The following TMEM232 variants were observed in gnomAD, a reference collection of about 807,000 sequenced individuals.
TMEM232 encodes the protein transmembrane protein 232.
In TMEM232, 80 loss-of-function variants were observed where a neutral mutation model predicts 78.8. The ratio of observed to expected loss-of-function variants is 1.01; its 90% confidence interval spans 0.85 to 1.22. The LOEUF is 1.22. Ranked by LOEUF, TMEM232 falls within the 50% of genes most tolerant of loss-of-function variation. TMEM232 has a pLI of 0.00. For missense variants in TMEM232, 881 were observed against 742.2 expected (o/e 1.19, Z -2.17); for synonymous variants, 297 against 254.3 (o/e 1.17, Z -1.60).
At chr5:110,533,095 G>A (rs1056191155) in intron 11 of TMEM232, among the ~76,000 whole-genome samples, 2 of 152,030 alleles carry the variant, frequency 1.3e-5, no homozygotes, top group Admixed American at 6.6e-5. Flanking sequence ...TCTTAAAGAT[G>A]CTTTTTTCAC....
At chr5:110,694,894 G>C (rs1021705640) in intron 1 of TMEM232, among the ~76,000 whole-genome samples, 2 of 152,116 alleles carry the variant, frequency 1.3e-5, no homozygotes, top group Non-Finnish European at 2.9e-5. Flanking sequence ...ACAGATCAAA[G>C]AGACAGAAAG....
chr5:110,602,025 G>A (rs1780974128), intron 10 of TMEM232, among the ~76,000 whole-genome samples: 1 of 152,102 alleles, frequency 6.6e-6, no homozygotes, highest in East Asian at 1.9e-4. Flanking sequence ...CGACAAACCT[G>A]ACAAAAACAA....
intron 2 of TMEM232, among the ~76,000 whole-genome samples, chr5:110,650,066 A>G (rs1233472902): frequency 6.6e-6 from 1 of 152,156 alleles, no homozygotes; most frequent in Non-Finnish European, 1.5e-5. Flanking sequence ...ATATTTAATT[A>G]ATGGTAACTG....
chr5:110,624,256 T>C (rs752678444), intron 7 of TMEM232, among the ~76,000 whole-genome samples: 30 of 152,150 alleles, frequency 2.0e-4, no homozygotes, highest in Non-Finnish European at 3.8e-4. Context: ...CAGTAATTAT[T>C]ATTCATGTTT....
chr5:110,394,461 A>G (rs1038160536), intron 3 of TMEM232, among the ~76,000 whole-genome samples: 2 of 152,264 alleles, frequency 1.3e-5, no homozygotes, highest in East Asian at 3.9e-4. Context: ...TCCTTTGGTT[A>G]TATACCTACC....
At chr5:110,585,734 G>C (rs528996465) in intron 10 of TMEM232, among the ~76,000 whole-genome samples, 1 of 152,234 alleles carries the variant, frequency 6.6e-6, no homozygotes, top group Admixed American at 6.5e-5. Context: ...AGGCTGCAGT[G>C]AGCATGAGGG....
intron 10 of TMEM232, among the ~76,000 whole-genome samples, chr5:110,581,473 T>C (rs1194215734): frequency 2.0e-5 from 3 of 151,792 alleles, no homozygotes; most frequent in Non-Finnish European, 2.9e-5. Flanking sequence ...AGGCAGAAGA[T>C]TGAAACTGGG....
chr5:110,694,231 ATACTT>A (rs1337097596), intron 1 of TMEM232, among the ~76,000 whole-genome samples: 3 of 152,202 alleles, frequency 2.0e-5, no homozygotes, highest in East Asian at 3.9e-4. Context: ...GAGAAATAAA[ATACTT>A]TACAGACAAG....
chr5:110,553,342 T>C (rs1035583504), intron 11 of TMEM232, among the ~76,000 whole-genome samples: 4 of 152,210 alleles, frequency 2.6e-5, no homozygotes, highest in Non-Finnish European at 4.4e-5. Context: ...TTAAACATTA[T>C]TGATTCATTG....
At chr5:110,537,672 G>A (rs761626252) in intron 11 of TMEM232, among the ~76,000 whole-genome samples, 2 of 152,188 alleles carry the variant, frequency 1.3e-5, no homozygotes, top group East Asian at 3.8e-4. Flanking sequence ...ACACTCAAAG[G>A]AGAACATCGT....
At chr5:110,556,711 A>G (rs1414496344) in intron 11 of TMEM232, among the ~76,000 whole-genome samples, 1 of 152,048 alleles carries the variant, frequency 6.6e-6, no homozygotes, top group Non-Finnish European at 1.5e-5. Context: ...ATAGGTCCCC[A>G]ATTTCTTCTG....
chr5:110,466,248 C>A (rs1480525785), intron 12 of TMEM232, among the ~76,000 whole-genome samples: 1 of 152,088 alleles, frequency 6.6e-6, no homozygotes, highest in Non-Finnish European at 1.5e-5. Flanking sequence ...TTCACATAAA[C>A]CAAATTTTTG....
intron 1 of TMEM232, among the ~76,000 whole-genome samples, chr5:110,715,233 A>C (rs1796893283): frequency 6.6e-6 from 1 of 152,160 alleles, no homozygotes; most frequent in Non-Finnish European, 1.5e-5. Context: ...TAGGTCATTC[A>C]TGAAGGAGCG....
At position 110,694,739 on chromosome 5, in the gene TMEM232, C is replaced by T. The variant is rs370387453; in HGVS notation, c.-12-27375G>A. 2.6e-5 allele frequency among the ~76,000 whole-genome samples: 4 copies of T among 152,070 alleles called. No individual in the cohort carries two copies. In the East Asian group the frequency reaches 7.7e-4, roughly 29 times the overall value. On this transcript the variant is annotated intron_variant, in intron 1 of 13. Transcript: ENST00000455884. The stretch of plus-strand genomic sequence containing the variant: ...TTACATAATGGTAAAGGGGTCAATT[C>T]AGCAAGAACTAACTATCCTAAATAT...
chr5:110,510,803 G>T (rs1183009643), intron 12 of TMEM232, among the ~76,000 whole-genome samples: 1 of 152,182 alleles, frequency 6.6e-6, no homozygotes, highest in Non-Finnish European at 1.5e-5. Flanking sequence ...AACAGGTGCT[G>T]GAGAGGAGGT....
intron 12 of TMEM232, among the ~76,000 whole-genome samples, chr5:110,503,550 G>A (rs767336143): frequency 1.9e-4 from 29 of 152,060 alleles, no homozygotes; most frequent in Non-Finnish European, 3.4e-4. Flanking sequence ...AGAGACCAAC[G>A]TAAAATGTTT....
At chr5:110,504,448 C>T (rs1766634943) in intron 12 of TMEM232, among the ~76,000 whole-genome samples, 1 of 152,016 alleles carries the variant, frequency 6.6e-6, no homozygotes, top group African/African-American at 2.4e-5. Flanking sequence ...AGAAACAAAA[C>T]CAACAGGATA....
At position 110,625,372 on chromosome 5, in the gene TMEM232, G is replaced by A. The variant is rs1453420125; in HGVS notation, c.663C>T (p.Phe221=). 1 of 1,547,662 alleles carries A rather than the reference G, an allele frequency of 6.5e-7. No individual in the cohort carries two copies. The highest frequency in any genetic ancestry group is 8.7e-7 in the Non-Finnish European group (1 of 1,144,670). The change falls in exon 7 of 14, where the codon TTC becomes TTT. Residue 221 remains phenylalanine, a synonymous_variant. Coordinates refer to ENST00000455884, the MANE Select transcript of TMEM232 (RefSeq NM_001039763.4). ...CTATAATTTCCGAGGCTTTCAGGAT[G>A]AATTGCACATTTGAAAAGATGTTTG... ...KYPNIFSNVQ[F]ILKASEIIGK... is the part of the protein sequence containing the mutation.
chr5:110,718,641 A>C (rs566852364), intron 1 of TMEM232, among the ~76,000 whole-genome samples: 1 of 151,726 alleles, frequency 6.6e-6, no homozygotes, highest in Non-Finnish European at 1.5e-5. Flanking sequence ...ATTTTTTTTT[A>C]GTGTTTGTGA....
Sources: gnomAD v4.1 joint callset for allele counts (sites outside exome capture counted in the v4.1 genomes callset) on GRCh38, gnomAD v4.1.1 for gene constraint, MANE v1.5 for transcripts, NCBI Gene and HGNC (gene_info 2026-07-23, HGNC 2026-07-21) for gene names.